The following BICC1 variants were observed in gnomAD, a reference collection of about 807,000 sequenced individuals.
BICC1 encodes the protein protein bicaudal C homolog 1.
A neutral mutation model predicts 111.0 loss-of-function variants in BICC1; 43 were observed. That is an observed-to-expected ratio of 0.39 (90% CI 0.30 to 0.50). The LOEUF is 0.50. Ranked by LOEUF, BICC1 falls within the 20% of genes least tolerant of loss-of-function variation. BICC1 has a pLI of 0.88. For missense variants in BICC1, 1,091 were observed against 1,203.2 expected (o/e 0.91, Z 1.38); for synonymous variants, 467 against 434.4 (o/e 1.07, Z -0.93).
chr10:58,772,140 A>C (rs548641581), intron 3 of BICC1, among the ~76,000 whole-genome samples: 1 of 152,332 alleles, frequency 6.6e-6, no homozygotes, highest in Non-Finnish European at 1.5e-5. Context: ...TAGAACTTCA[A>C]GTTCCATTCC....
chr10:58,535,929 T>G (rs2131867675), intron 1 of BICC1, among the ~76,000 whole-genome samples: 1 of 151,350 alleles, frequency 6.6e-6, no homozygotes, highest in South Asian at 2.1e-4. Context: ...GGAACTATTC[T>G]TATATCAGAT....
intron 1 of BICC1, among the ~76,000 whole-genome samples, chr10:58,610,014 T>C (rs1845366151): frequency 6.6e-6 from 1 of 152,220 alleles, no homozygotes; most frequent in Non-Finnish European, 1.5e-5. Flanking sequence ...TGTTAATCAG[T>C]TGGACTGAAA....
intron 3 of BICC1, among the ~76,000 whole-genome samples, chr10:58,718,788 GCACGCC>G (rs1840840002): frequency 2.7e-5 from 4 of 150,164 alleles, no homozygotes; most frequent in African/African-American, 7.4e-5. Context: ...GCGCGCGTGC[GCACGCC>G]CGCGTGCTTA....
intron 2 of BICC1, among the ~76,000 whole-genome samples, chr10:58,645,953 G>A (rs982534509): frequency 2.6e-5 from 4 of 152,078 alleles, no homozygotes; most frequent in Admixed American, 2.0e-4. Flanking sequence ...CCTCACATAC[G>A]CAGTTATGGT....
intron 3 of BICC1, among the ~76,000 whole-genome samples, chr10:58,783,516 T>C (rs1040019412): frequency 6.6e-6 from 1 of 152,108 alleles, no homozygotes; most frequent in Non-Finnish European, 1.5e-5. Context: ...ATGTGTGGTT[T>C]AGATAAAATC....
intron 3 of BICC1, among the ~76,000 whole-genome samples, chr10:58,762,742 A>G (rs1842351334): frequency 6.6e-6 from 1 of 152,184 alleles, no homozygotes; most frequent in Admixed American, 6.5e-5. Flanking sequence ...ATGAAAATTA[A>G]CATCAGTTTT....
intron 3 of BICC1, among the ~76,000 whole-genome samples, chr10:58,764,389 AC>A (rs1239230945): frequency 6.6e-6 from 1 of 152,200 alleles, no homozygotes; most frequent in Non-Finnish European, 1.5e-5. Flanking sequence ...GGAATGCTGT[AC>A]CCTGTTCTCG....
At chr10:58,657,984 C>T (rs1289183970) in intron 2 of BICC1, among the ~76,000 whole-genome samples, 1 of 149,456 alleles carries the variant, frequency 6.7e-6, no homozygotes, top group Non-Finnish European at 1.5e-5. Context: ...CTCAGTGTGT[C>T]ACCTTAGGAA....
intron 15 of BICC1, among the ~76,000 whole-genome samples, chr10:58,805,448 C>T (rs1379592386): frequency 3.3e-5 from 5 of 152,152 alleles, no homozygotes; most frequent in East Asian, 1.9e-4. Flanking sequence ...TTAGGTTCTC[C>T]GTATACCTTG....
rs76250993 is a variant in BICC1, at chr10:58,701,439, A to C, written c.238-635A>C. ...CTCACTTGTCCTGGTGCTTCCACTC[A>C]TTCAGGTCTTGAGACCTCCTAGACA... On this transcript the variant is annotated intron_variant, in intron 2 of 20. Coordinates refer to ENST00000373886, the MANE Select transcript of BICC1 (RefSeq NM_001080512.3). Among the ~76,000 whole-genome samples the C allele has an allele frequency of 8.6e-3, 1,302 of 152,258 alleles. 15 individuals are homozygous for C. The highest frequency in any genetic ancestry group is 0.03 in the African/African-American group (1,258 of 41,544).
intron 3 of BICC1, among the ~76,000 whole-genome samples, chr10:58,759,876 G>A (rs556062368): frequency 1.6e-4 from 24 of 151,718 alleles, no homozygotes; most frequent in Non-Finnish European, 2.8e-4. Flanking sequence ...GGGGAATGGC[G>A]TGGACCTGGG....
intron 2 of BICC1, among the ~76,000 whole-genome samples, chr10:58,664,135 C>T (rs1838933762): frequency 6.6e-6 from 1 of 152,130 alleles, no homozygotes; most frequent in Admixed American, 6.6e-5. Context: ...TAAGAAAGTG[C>T]CAGATTATTT....
chr10:58,733,734 C>T (rs1841386877), intron 3 of BICC1, among the ~76,000 whole-genome samples: 1 of 152,208 alleles, frequency 6.6e-6, no homozygotes, highest in African/African-American at 2.4e-5. Flanking sequence ...TGATCAGGGC[C>T]AGTTGGCCTA....
chr10:58,634,000 T>C (rs1266405310), intron 2 of BICC1, among the ~76,000 whole-genome samples: 35 of 147,134 alleles, frequency 2.4e-4, no homozygotes, highest in African/African-American at 7.6e-4. Context: ...CTTTTCTTTT[T>C]TTTTTTTTTT....
chr10:58,791,015 G>C (rs1038853892), intron 8 of BICC1, among the ~76,000 whole-genome samples: 1 of 152,100 alleles, frequency 6.6e-6, no homozygotes, highest in African/African-American at 2.4e-5. Context: ...GTTTATTTTT[G>C]AGAAACTTTC....
intron 1 of BICC1, among the ~76,000 whole-genome samples, chr10:58,524,212 T>C (rs1842469135): frequency 6.6e-6 from 1 of 152,094 alleles, no homozygotes; most frequent in South Asian, 2.1e-4. Context: ...TTAAAGTTCA[T>C]ATGGAACCAA....
rs1178252245 is a variant in BICC1 at position 58,784,167 on chromosome 10, AATTT to A, written c.308-829_308-826del. On this transcript the variant is annotated intron_variant, in intron 3 of 20. Transcript: ENST00000373886. The stretch of plus-strand genomic sequence containing the variant: ...TGTTCTGATTAATTATTAATTAGAT[AATTT>A]ATTTGATTAAATTATATTTTGTCTC... Among the ~76,000 whole-genome samples the A allele has an allele frequency of 2.0e-5, 3 of 152,074 alleles. No individual in the cohort carries two copies. The East Asian group carries it at 5.8e-4, about 29-fold the overall frequency.
At chr10:58,781,348 G>A (rs1049723124) in intron 3 of BICC1, among the ~76,000 whole-genome samples, 5 of 152,118 alleles carry the variant, frequency 3.3e-5, no homozygotes, top group Non-Finnish European at 7.3e-5. Context: ...GGTGCCATCC[G>A]TTCATTCAGC....
chr10:58,820,347 A>T, intron 19 of BICC1, 22 bp from the exon 20 acceptor site: 1 of 1,515,146 alleles, frequency 6.6e-7, no homozygotes, highest in Non-Finnish European at 9.2e-7. Context: ...CATTGGTTAT[A>T]GATTGACCTT....
Sources: allele counts gnomAD v4.1 joint callset (sites outside exome capture counted in the v4.1 genomes callset), GRCh38; gene constraint gnomAD v4.1.1; transcripts MANE v1.5; gene names NCBI Gene and HGNC (gene_info 2026-07-23, HGNC 2026-07-21).